HACE1: variants seen among roughly 807,000 people sequenced by gnomAD.
HACE1 encodes the protein HECT domain and ankyrin repeat containing E3 ubiquitin protein ligase 1, also known as E3 ubiquitin-protein ligase HACE1.
Under a neutral mutation model 118.4 loss-of-function variants are expected in HACE1, and 73 were observed. That is an observed-to-expected ratio of 0.62 (90% CI 0.51 to 0.75). The LOEUF is 0.75. Ranked by LOEUF, HACE1 falls within the 30% of genes least tolerant of loss-of-function variation. The pLI, the probability that HACE1 is intolerant of heterozygous loss-of-function variation, is 0.00. For synonymous variants in HACE1, 368 were observed against 374.8 expected (o/e 0.98, Z 0.21); for missense variants, 749 against 1,102.2 (o/e 0.68, Z 4.54).
intron 1 of HACE1, among the ~76,000 whole-genome samples, chr6:104,855,256 A>T (rs1372977084): frequency 6.6e-6 from 1 of 152,134 alleles, no homozygotes; most frequent in African/African-American, 2.4e-5. Flanking sequence ...CATCCTGGCT[A>T]ACAAGGTGAA....
chr6:104,729,361 G>C lies in HACE1; in HGVS notation c.*301C>G. 2 of 345,414 alleles carry C rather than the reference G, an allele frequency of 5.8e-6. No individual in the cohort carries two copies. Among genetic ancestry groups the C allele is most frequent in the South Asian group, 6.3e-5 (2 of 31,626 alleles). 21.4% of individuals were successfully genotyped at this position (345,414 alleles called of 1,614,324 possible). A position where few individuals can be genotyped will look rare whatever the true frequency, so the allele number is the denominator to read the frequency against. ...ATAGCAGAGGTGGAATGTAGAATCA[G>C]ATTTTGCCTTAATACAATCTTGGAT... is the stretch of plus-strand genomic sequence containing the variant. On this transcript the variant is annotated 3_prime_UTR_variant, in exon 24 of 24. Transcript: ENST00000262903.
intron 6 of HACE1, among the ~76,000 whole-genome samples, chr6:104,819,575 C>G (rs1772473606): frequency 6.6e-6 from 1 of 152,054 alleles, no homozygotes; most frequent in Non-Finnish European, 1.5e-5. Context: ...AGAGCCCAAA[C>G]AGACACGGCA....
At chr6:104,742,825 G>T (rs1465045799) in intron 22 of HACE1, among the ~76,000 whole-genome samples, 1 of 152,018 alleles carries the variant, frequency 6.6e-6, no homozygotes, top group African/African-American at 2.4e-5. Flanking sequence ...TATACCCAAA[G>T]GACTATAAAT....
chr6:104,791,559 T>A lies in HACE1; in HGVS notation c.1019A>T (p.Asn340Ile). The change falls in exon 11 of 24, where the codon AAT becomes ATT. Residue 340 changes from asparagine to isoleucine, a missense_variant. Physicochemically the swap from Asn to Ile is moderately radical, Grantham distance 149. This residue lies in a region of HACE1 where 267 missense variants were observed against 312.2 expected (regional missense o/e 0.86). Coordinates refer to ENST00000262903, the MANE Select transcript of HACE1 (RefSeq NM_020771.4). ...CCCATTGTAGCCCATATCAATTCCA[T>A]TACTGGGGGAGGATGGACCAATTCG... ...VFRIGPSSPS[N>I]GIDMGYNGNK... is the part of the protein sequence containing the mutation. 1 of 1,612,848 alleles carries A rather than the reference T, an allele frequency of 6.2e-7. No homozygotes were observed.
chr6:104,784,368 TAA>T (rs1782110938), intron 13 of HACE1, 47 bp downstream of exon 13: 1 of 1,220,856 alleles, frequency 8.2e-7, no homozygotes. Flanking sequence ...AAACTGTAAG[TAA>T]AGAGAGGAAA....
At chr6:104,793,224 G>A (rs1234547221) in intron 10 of HACE1, among the ~76,000 whole-genome samples, 6 of 140,066 alleles carry the variant, frequency 4.3e-5, no homozygotes, top group Admixed American at 7.7e-5. Flanking sequence ...CCGAGATCGC[G>A]CCACTGCACT....
At chr6:104,760,348 C>T (rs190415539) in intron 19 of HACE1, among the ~76,000 whole-genome samples, 8 of 152,266 alleles carry the variant, frequency 5.3e-5, no homozygotes, top group Non-Finnish European at 1.2e-4. Flanking sequence ...GCTTATCCAC[C>T]ACGATCAAGT....
intron 19 of HACE1, 123 bp from the exon 20 acceptor site, chr6:104,750,595 T>C: frequency 2.3e-6 from 2 of 886,244 alleles, no homozygotes; most frequent in Non-Finnish European, 3.5e-6. Flanking sequence ...CACTCATACA[T>C]CTCAGCAAAT....
intron 1 of HACE1, among the ~76,000 whole-genome samples, chr6:104,857,138 A>G (rs1232484721): frequency 6.7e-6 from 1 of 149,324 alleles, no homozygotes; most frequent in African/African-American, 2.4e-5. Context: ...TTGTATCAGT[A>G]GGAATGTTAT....
intron 14 of HACE1, 119 bp from the exon 15 acceptor site, chr6:104,777,436 T>C: frequency 1.4e-6 from 1 of 720,110 alleles, no homozygotes. Flanking sequence ...TTATTTACAA[T>C]AAGGAGTTAC....
Position 104,729,426 on chromosome 6 carries a change from G to T in HACE1, c.*236C>A. On this transcript the variant is annotated 3_prime_UTR_variant, in exon 24 of 24. Coordinates refer to ENST00000262903, the MANE Select transcript of HACE1 (RefSeq NM_020771.4). ...AAAAGGACAGTCTCTATTACTTTCA[G>T]TTAGCATTTTAAAAAATAAAATCTA... 1 of 524,308 alleles carries T rather than the reference G, an allele frequency of 1.9e-6. No individual in the cohort carries two copies. The allele number at this position is 524,308 out of a possible 1,614,324, so 32.5% of individuals were successfully genotyped here. A position where few individuals can be genotyped will look rare whatever the true frequency, so the allele number is the denominator to read the frequency against.
In HACE1 at chr6:104,849,278, A is replaced by G. The variant is rs754748394; in HGVS notation, c.222-32T>C. On this transcript the variant is annotated intron_variant, in intron 3 of 23. Transcript: ENST00000262903. ...CAATATTAAAAGACAGTTCAGATACATTCAACATACAGCCATACTTGATGT... is the reference window on the plus strand; with the variant it reads ...CAATATTAAAAGACAGTTCAGATACGTTCAACATACAGCCATACTTGATGT... The G allele has an allele frequency of 3.4e-6, 4 of 1,180,116 alleles. No homozygotes were observed. The East Asian group carries it at 9.3e-5, about 28-fold the overall frequency. 73.1% of individuals were successfully genotyped at this position (1,180,116 alleles called of 1,614,324 possible).
intron 20 of HACE1, among the ~76,000 whole-genome samples, chr6:104,746,720 T>C (rs1244029062): frequency 6.6e-6 from 1 of 152,196 alleles, no homozygotes; most frequent in African/African-American, 2.4e-5. Flanking sequence ...ACCTCTGTCA[T>C]AGTCCCTTTG....
At position 104,771,206 on chromosome 6, in the gene HACE1, G is replaced by T; in HGVS notation, c.2198C>A (p.Thr733Lys). ...LKPGGGSILV[T>K]QNNKAEYVQL... ...TGAAATACTCACTTTATTATTTTGTGTCACAAGAATACTCCCACCCCCAGG... is the reference window on the plus strand; with the variant it reads ...TGAAATACTCACTTTATTATTTTGTTTCACAAGAATACTCCCACCCCCAGG... The change falls in exon 19 of 24, where the codon ACA becomes AAA. Residue 733 changes from threonine to lysine, a missense_variant. Coordinates refer to ENST00000262903, the MANE Select transcript of HACE1 (RefSeq NM_020771.4). The T allele has an allele frequency of 1.2e-6, 2 of 1,609,230 alleles. No individual in the cohort carries two copies. The highest frequency in any genetic ancestry group is 1.7e-6 in the Non-Finnish European group (2 of 1,175,610).
intron 6 of HACE1, among the ~76,000 whole-genome samples, chr6:104,821,583 T>A (rs1046312768): frequency 6.6e-6 from 1 of 152,220 alleles, no homozygotes; most frequent in Admixed American, 6.5e-5. Context: ...GCATTTATCA[T>A]TTCATTTAAT....
rs571339007 is a variant in HACE1 at position 104,775,605 on chromosome 6, A to T, written c.1864+1136T>A. Reference sequence around the variant, plus strand: ...TCAAAGATTAGGCCTAAATAATTAAACTCATGACTTCACTGAACTCGTCAT... The same window carrying T: ...TCAAAGATTAGGCCTAAATAATTAATCTCATGACTTCACTGAACTCGTCAT... On this transcript the variant is annotated intron_variant, in intron 17 of 23. Coordinates refer to ENST00000262903, the MANE Select transcript of HACE1 (RefSeq NM_020771.4). Among the ~76,000 whole-genome samples, 246 of 152,112 alleles carry T rather than the reference A, an allele frequency of 1.6e-3. 2 individuals are homozygous for T. The highest frequency in any genetic ancestry group is 2.9e-3 in the Non-Finnish European group (197 of 67,996).
In HACE1 at chr6:104,831,918, AAGAAG is replaced by A. The variant is rs770162517; in HGVS notation, c.534+1119_534+1123del. Reference sequence around the variant, plus strand: ...AAAAAAGAGAGAGAAAGAAAAGAGAAAGAAGAGAAGAGAAGAGAAGAGAAGAGAAG... The same window carrying A: ...AAAAAAGAGAGAGAAAGAAAAGAGAAAGAAGAGAAGAGAAGAGAAGAGAAG... On this transcript the variant is annotated intron_variant, in intron 6 of 23. Transcript: ENST00000262903. Among the ~76,000 whole-genome samples, 397 of 62,852 alleles carry A rather than the reference AAGAAG, an allele frequency of 6.3e-3. 5 individuals are homozygous for A. The highest frequency in any genetic ancestry group is 0.012 in the South Asian group (13 of 1,076). 41.2% of individuals were successfully genotyped at this position (62,852 alleles called of 152,430 possible). A position where few individuals can be genotyped will look rare whatever the true frequency, so the allele number is the denominator to read the frequency against.
At chr6:104,848,264 T>G (rs999655117) in intron 4 of HACE1, among the ~76,000 whole-genome samples, 3 of 150,880 alleles carry the variant, frequency 2.0e-5, no homozygotes, top group Non-Finnish European at 4.4e-5. Context: ...GAGACCATCC[T>G]GGCCAACATG....
intron 4 of HACE1, among the ~76,000 whole-genome samples, chr6:104,844,165 G>A (rs1266151368): frequency 1.3e-5 from 2 of 149,762 alleles, no homozygotes; most frequent in Non-Finnish European, 3.0e-5. Context: ...AGCCTCCCAA[G>A]CAGCTAGGAT....
Sources: allele counts gnomAD v4.1 joint callset (sites outside exome capture counted in the v4.1 genomes callset), GRCh38; gene constraint gnomAD v4.1.1; regional missense constraint gnomAD v4.1.1; transcripts MANE v1.5; gene names NCBI Gene and HGNC (gene_info 2026-07-23, HGNC 2026-07-21).